The following CTIF variants were observed in gnomAD, a reference collection of about 807,000 sequenced individuals.
CTIF encodes the protein CBP80/20-dependent translation initiation factor.
A neutral mutation model predicts 66.0 loss-of-function variants in CTIF; 21 were observed. That is an observed-to-expected ratio of 0.32 (90% CI 0.23 to 0.46). The LOEUF (loss-of-function observed/expected upper bound fraction) is 0.46, where lower values mean the gene tolerates loss of function less well. CTIF is among the 20% of genes least tolerant of loss of function. CTIF has a pLI of 1.00. For synonymous variants in CTIF, 345 were observed against 326.4 expected, an observed-to-expected ratio of 1.06 and a Z score of -0.62; for missense variants, 739 against 812.7, an observed-to-expected ratio of 0.91 and a Z score of 1.10.
chr18:48,804,210 G>A (rs1378022206), intron 9 of CTIF, among the ~76,000 whole-genome samples: 2 of 152,182 alleles, frequency 1.3e-5, no homozygotes, highest in Non-Finnish European at 2.9e-5. Flanking sequence ...AGTAGTTCAG[G>A]GCCCAGCTGG....
chr18:48,632,894 CT>C (rs1217830415), intron 2 of CTIF, among the ~76,000 whole-genome samples: 2 of 152,158 alleles, frequency 1.3e-5, no homozygotes, highest in East Asian at 3.9e-4. Context: ...CAGGAAGTGA[CT>C]TTTGGTTGGC....
intron 1 of CTIF, among the ~76,000 whole-genome samples, chr18:48,593,025 C>T (rs1203919855): frequency 6.6e-6 from 1 of 152,192 alleles, no homozygotes; most frequent in African/African-American, 2.4e-5. Flanking sequence ...TTCAGATGAG[C>T]AGGAACATTT....
In CTIF at chr18:48,664,545, G is replaced by A. The variant is rs1253922998; in HGVS notation, c.425G>A (p.Arg142His). The A allele has an allele frequency of 3.1e-6, 5 of 1,611,016 alleles. No homozygotes were observed. Among genetic ancestry groups the A allele is most frequent in the Middle Eastern group, 1.6e-4 (1 of 6,082 alleles). ...AAGCAGCCCCTGCCACACATCGACC[G>A]CGAAGGGTAAGGGGTGCTGGGGCTC... ...TPKQPLPHID[R>H]EGCGKGKLED... The change falls in exon 5 of 12, where the codon CGC (arginine) becomes CAC (histidine). Residue 142 changes from arginine to histidine, a missense_variant. By Grantham distance (29) the Arg-to-His change is conservative (BLOSUM62 0). Transcript: ENST00000256413.
At chr18:48,581,094 A>G (rs1000931219) in intron 1 of CTIF, among the ~76,000 whole-genome samples, 1 of 152,366 alleles carries the variant, frequency 6.6e-6, no homozygotes, top group Non-Finnish European at 1.5e-5. Context: ...TCATTCCAGC[A>G]TCAGCTCTCT....
At chr18:48,634,782 CT>C (rs902530906) in intron 2 of CTIF, among the ~76,000 whole-genome samples, 1 of 152,210 alleles carries the variant, frequency 6.6e-6, no homozygotes, top group African/African-American at 2.4e-5. Flanking sequence ...GTTGCCACTT[CT>C]CTAGGGCTCC....
At position 48,790,143 on chromosome 18, in the gene CTIF, G is replaced by A. The variant is rs772025294; in HGVS notation, c.1372-27078G>A. Among the ~76,000 whole-genome samples, 12 of 152,230 alleles carry A rather than the reference G, an allele frequency of 7.9e-5. 1 individual carries two copies. Among genetic ancestry groups the A allele is most frequent in the African/African-American group, 1.7e-4 (7 of 41,456 alleles). On this transcript the variant is annotated intron_variant, in intron 9 of 11. Transcript: ENST00000256413. ...GGACAGAGGTTCCGCCCCCAGTACC[G>A]TATGTCCTTTGGAGAAGGAAAGCCT... is the stretch of plus-strand genomic sequence containing the variant.
chr18:48,667,545 A>G (rs2091457772), intron 5 of CTIF, among the ~76,000 whole-genome samples: 1 of 152,146 alleles, frequency 6.6e-6, no homozygotes, highest in African/African-American at 2.4e-5. Context: ...TGCATGTTGA[A>G]GGCAAGCTTG....
chr18:48,862,050 C>CTATT lies in CTIF; in HGVS notation c.*2493_*2496dup, dbSNP rs2069481482. The CTATT allele has an allele frequency of 6.6e-6, 1 of 150,940 alleles. No individual in the cohort carries two copies. 9.4% of individuals were successfully genotyped at this position (150,940 alleles called of 1,614,324 possible). On this transcript the variant is annotated 3_prime_UTR_variant, in exon 12 of 12. Coordinates refer to ENST00000256413, the MANE Select transcript of CTIF (RefSeq NM_014772.3). ...CAGATATGGAAGGAAAACGTTAAGA[C>CTATT]TATTTTTTTTTTAAAGAAACAACAG... is the stretch of plus-strand genomic sequence containing the variant.
chr18:48,793,829 T>G (rs376366565), intron 9 of CTIF, among the ~76,000 whole-genome samples: 1 of 152,108 alleles, frequency 6.6e-6, no homozygotes, highest in Non-Finnish European at 1.5e-5. Context: ...CCCAGGAAAG[T>G]GGGAAGGTTT....
intron 10 of CTIF, among the ~76,000 whole-genome samples, chr18:48,846,698 G>C (rs984005011): frequency 1.3e-5 from 2 of 151,724 alleles, no homozygotes; most frequent in Admixed American, 6.6e-5. Context: ...TAGATAGATG[G>C]ATGAAAGGAT....
intron 9 of CTIF, among the ~76,000 whole-genome samples, chr18:48,762,691 A>G (rs777776352): frequency 6.6e-6 from 1 of 152,244 alleles, no homozygotes; most frequent in Non-Finnish European, 1.5e-5. Context: ...CATACAATAG[A>G]TCATCCAAAC....
chr18:48,548,567 G>A (rs1186866210), intron 1 of CTIF, among the ~76,000 whole-genome samples: 1 of 152,222 alleles, frequency 6.6e-6, no homozygotes, highest in Non-Finnish European at 1.5e-5. Flanking sequence ...AAGAGCATGC[G>A]TTGCCTTTGC....
intron 2 of CTIF, among the ~76,000 whole-genome samples, chr18:48,623,593 A>G (rs1274505994): frequency 6.6e-6 from 1 of 151,442 alleles, no homozygotes; most frequent in African/African-American, 2.4e-5. Context: ...AAGAAAAAAA[A>G]AAACAGCAAA....
intron 8 of CTIF, among the ~76,000 whole-genome samples, chr18:48,759,668 C>T (rs761022180): frequency 3.3e-5 from 5 of 152,252 alleles, no homozygotes; most frequent in East Asian, 1.9e-4. Flanking sequence ...TAATACTACA[C>T]ACCTTGCTGA....
intron 10 of CTIF, among the ~76,000 whole-genome samples, chr18:48,848,446 C>T (rs866819327): frequency 2.0e-5 from 3 of 152,222 alleles, no homozygotes; most frequent in African/African-American, 7.2e-5. Flanking sequence ...TGAGCTTTTT[C>T]TGCAGCTGCA....
chr18:48,703,050 C>A (rs2092104181), intron 6 of CTIF, among the ~76,000 whole-genome samples: 1 of 152,036 alleles, frequency 6.6e-6, no homozygotes, highest in Non-Finnish European at 1.5e-5. Flanking sequence ...TATTGTTCAC[C>A]CCTTGGGATG....
intron 9 of CTIF, among the ~76,000 whole-genome samples, chr18:48,773,522 G>A (rs1910371146): frequency 6.6e-6 from 1 of 152,246 alleles, no homozygotes; most frequent in East Asian, 1.9e-4. Context: ...ATGGGGAACT[G>A]TGCTCCCCTA....
intron 9 of CTIF, among the ~76,000 whole-genome samples, chr18:48,776,434 G>A (rs1185331343): frequency 1.3e-5 from 2 of 152,242 alleles, no homozygotes; most frequent in African/African-American, 2.4e-5. Context: ...GCCATGGGGC[G>A]GGTCTGCACA....
At chr18:48,608,759 C>A (rs1016396415) in intron 1 of CTIF, among the ~76,000 whole-genome samples, 10 of 152,220 alleles carry the variant, frequency 6.6e-5, no homozygotes, top group Non-Finnish European at 1.3e-4. Context: ...ACACTCCCAC[C>A]AGGCTCTGGA....
Sources: gnomAD v4.1 joint callset for allele counts (sites outside exome capture counted in the v4.1 genomes callset) on GRCh38, gnomAD v4.1.1 for gene constraint, MANE v1.5 for transcripts, NCBI Gene and HGNC (gene_info 2026-07-23, HGNC 2026-07-21) for gene names.